The following CADPS variants were observed in gnomAD, a reference collection of about 807,000 sequenced individuals.
CADPS encodes the protein calcium dependent secretion activator, also known as calcium-dependent secretion activator 1.
In CADPS, 57 loss-of-function variants were observed where a neutral mutation model predicts 167.3. The ratio of observed to expected loss-of-function variants is 0.34; its 90% CI spans 0.28 to 0.42. The LOEUF is 0.42. Ranked by LOEUF, CADPS falls within the 20% of genes least tolerant of loss-of-function variation. The pLI, the probability that CADPS is intolerant of heterozygous loss-of-function variation, is 1.00. For synonymous variants in CADPS, 676 were observed against 635.3 expected (o/e 1.06, Z -0.96); for missense variants, 1,414 against 1,738.1 (o/e 0.81, Z 3.32).
chr3:62,586,078 T>C (rs1367089686), intron 7 of CADPS, among the ~76,000 whole-genome samples: 2 of 152,176 alleles, frequency 1.3e-5, no homozygotes, highest in Non-Finnish European at 2.9e-5. Flanking sequence ...ACTTTTCGCT[T>C]TGTGATCACG....
At chr3:62,723,265 A>T (rs372918522) in intron 3 of CADPS, among the ~76,000 whole-genome samples, 2 of 152,182 alleles carry the variant, frequency 1.3e-5, no homozygotes, top group South Asian at 4.1e-4. Flanking sequence ...TGTCAAGAGA[A>T]GATGTTGTAG....
At chr3:62,549,447 GTTTTT>G (rs3074235) in intron 11 of CADPS, among the ~76,000 whole-genome samples, 1 of 129,288 alleles carries the variant, frequency 7.7e-6, no homozygotes, top group Non-Finnish European at 1.6e-5. Flanking sequence ...CATGTTTTGT[GTTTTT>G]TTTTTTTTTT....
At chr3:62,782,107 G>A (rs1327948288) in intron 1 of CADPS, among the ~76,000 whole-genome samples, 1 of 152,104 alleles carries the variant, frequency 6.6e-6, no homozygotes, top group African/African-American at 2.4e-5. Flanking sequence ...CTGGAATGTT[G>A]GTTAAAAACA....
At chr3:62,849,689 T>C (rs1167534792) in intron 1 of CADPS, among the ~76,000 whole-genome samples, 1 of 140,840 alleles carries the variant, frequency 7.1e-6, no homozygotes, top group African/African-American at 2.7e-5. Flanking sequence ...CAGTATTTTA[T>C]TGAGGATTTT....
intron 3 of CADPS, among the ~76,000 whole-genome samples, chr3:62,712,270 C>G (rs1390725868): frequency 2.6e-5 from 4 of 151,890 alleles, no homozygotes; most frequent in African/African-American, 4.8e-5. Context: ...TTGATAGATC[C>G]CATCTTATTT....
chr3:62,693,180 T>G (rs1163984208), intron 3 of CADPS, among the ~76,000 whole-genome samples: 1 of 152,060 alleles, frequency 6.6e-6, no homozygotes, highest in Non-Finnish European at 1.5e-5. Context: ...AGAGGGGTCC[T>G]CCCTGACCAT....
chr3:62,520,770 T>C (rs1297983252), intron 13 of CADPS, among the ~76,000 whole-genome samples: 1 of 152,196 alleles, frequency 6.6e-6, no homozygotes, highest in Middle Eastern at 3.2e-3. Flanking sequence ...GGAAAAGACA[T>C]GCAGGAATAA....
chr3:62,416,991 T>A (rs1361615389), intron 28 of CADPS, among the ~76,000 whole-genome samples: 1 of 151,942 alleles, frequency 6.6e-6, no homozygotes, highest in East Asian at 1.9e-4. Flanking sequence ...GCTCAGGTGA[T>A]CCTCCCACCT....
intron 21 of CADPS, among the ~76,000 whole-genome samples, chr3:62,487,846 A>T (rs2150995875): frequency 6.6e-6 from 1 of 152,320 alleles, no homozygotes; most frequent in South Asian, 2.1e-4. Context: ...AGAATAAAGG[A>T]TATTTTTCAT....
chr3:62,836,590 G>C (rs2153017712), intron 1 of CADPS, among the ~76,000 whole-genome samples: 1 of 152,308 alleles, frequency 6.6e-6, no homozygotes, highest in South Asian at 2.1e-4. Context: ...ATAAAGGTGA[G>C]AAAGCATGTG....
intron 6 of CADPS, among the ~76,000 whole-genome samples, chr3:62,608,468 A>T (rs963052538): frequency 2.0e-5 from 3 of 151,908 alleles, no homozygotes; most frequent in Non-Finnish European, 4.4e-5. Flanking sequence ...TTTATAGTAG[A>T]CATGGGGTTT....
intron 1 of CADPS, among the ~76,000 whole-genome samples, chr3:62,795,068 T>A (rs2093307024): frequency 6.6e-6 from 1 of 152,114 alleles, no homozygotes; most frequent in Non-Finnish European, 1.5e-5. Context: ...TCCTAAGAAC[T>A]CAGACTCTCC....
At chr3:62,510,693 T>C (rs2067615498) in intron 17 of CADPS, among the ~76,000 whole-genome samples, 1 of 152,104 alleles carries the variant, frequency 6.6e-6, no homozygotes, top group Non-Finnish European at 1.5e-5. Flanking sequence ...CAGCTGTCCA[T>C]ATTTCAGTCC....
chr3:62,590,861 T>C (rs2085837897), intron 7 of CADPS, among the ~76,000 whole-genome samples: 1 of 152,002 alleles, frequency 6.6e-6, no homozygotes, highest in Non-Finnish European at 1.5e-5. Context: ...TATTTTATTA[T>C]TATTATTTTT....
chr3:62,719,428 A>G (rs1160000379), intron 3 of CADPS, among the ~76,000 whole-genome samples: 1 of 152,220 alleles, frequency 6.6e-6, no homozygotes, highest in Non-Finnish European at 1.5e-5. Flanking sequence ...ACTATATCAG[A>G]TTCCGTCACA....
At chr3:62,854,700 G>A (rs550289401) in intron 1 of CADPS, among the ~76,000 whole-genome samples, 7 of 152,208 alleles carry the variant, frequency 4.6e-5, no homozygotes, top group African/African-American at 1.7e-4. Context: ...CTATTTTTCT[G>A]ATCTTCTTCC....
chr3:62,782,815 A>G (rs1052404654), intron 1 of CADPS, among the ~76,000 whole-genome samples: 10 of 147,116 alleles, frequency 6.8e-5, no homozygotes, highest in Admixed American at 1.4e-4. Context: ...GCTGGAGTGC[A>G]GTGACCCGAT....
intron 21 of CADPS, among the ~76,000 whole-genome samples, chr3:62,485,234 A>G (rs2062629466): frequency 6.6e-6 from 1 of 152,130 alleles, no homozygotes; most frequent in South Asian, 2.1e-4. Context: ...ATCTACAGAA[A>G]AAAAAAAAAT....
chr3:62,614,526 G>T (rs1159749655), intron 6 of CADPS, among the ~76,000 whole-genome samples: 1 of 152,220 alleles, frequency 6.6e-6, no homozygotes, highest in African/African-American at 2.4e-5. Flanking sequence ...TAAAAGCGTA[G>T]CTCCTTTATC....
Sources: allele counts gnomAD v4.1 joint callset (sites outside exome capture counted in the v4.1 genomes callset), GRCh38; gene constraint gnomAD v4.1.1; transcripts MANE v1.5; gene names NCBI Gene and HGNC (gene_info 2026-07-23, HGNC 2026-07-21).